The following CECR2 variants were observed in gnomAD, a reference collection of about 807,000 sequenced individuals.
CECR2 encodes CECR2 histone acetyl-lysine reader.
A neutral mutation model predicts 154.5 loss-of-function variants in CECR2; 30 were observed. The ratio of observed to expected loss-of-function variants is 0.19; its 90% CI spans 0.15 to 0.26. CECR2 has a LOEUF of 0.26. Ranked by LOEUF, CECR2 falls within the 10% of genes least tolerant of loss-of-function variation. The pLI, the probability that CECR2 is intolerant of heterozygous loss-of-function variation, is 1.00. For missense variants in CECR2, 1,743 were observed against 1,829.3 expected (o/e 0.95, Z 0.86); for synonymous variants, 725 against 683.7 (o/e 1.06, Z -0.94).
At chr22:17,489,185 G>A (rs1011093556) in intron 2 of CECR2, among the ~76,000 whole-genome samples, 7 of 152,076 alleles carry the variant, frequency 4.6e-5, no homozygotes. Flanking sequence ...CACCCGCCTC[G>A]GCCTCCCAAA....
At chr22:17,547,589 A>G (rs2056633750) in intron 16 of CECR2, among the ~76,000 whole-genome samples, 1 of 152,192 alleles carries the variant, frequency 6.6e-6, no homozygotes, top group African/African-American at 2.4e-5. Flanking sequence ...CATGCAGACA[A>G]AATGAATGTA....
At chr22:17,489,727 G>T (rs1466385614) in intron 2 of CECR2, among the ~76,000 whole-genome samples, 2 of 152,204 alleles carry the variant, frequency 1.3e-5, no homozygotes, top group Non-Finnish European at 2.9e-5. Flanking sequence ...CAAAGTGCTG[G>T]AATTACAGGC....
chr22:17,478,102 G>A (rs1157667766), intron 2 of CECR2, among the ~76,000 whole-genome samples: 1 of 152,120 alleles, frequency 6.6e-6, no homozygotes, highest in African/African-American at 2.4e-5. Context: ...AAAAAAAAGA[G>A]AGATGTGTAG....
chr22:17,511,882 C>A lies in CECR2; in HGVS notation c.940C>A (p.Pro314Thr). 1 of 1,611,324 alleles carries A rather than the reference C, an allele frequency of 6.2e-7. No homozygotes were observed. The highest frequency in any genetic ancestry group is 8.5e-7 in the Non-Finnish European group (1 of 1,178,236). Residue 314 changes from proline to threonine, a missense_variant, in exon 8 of 19, where the codon CCC (proline) becomes ACC (threonine). Pro to Thr is a conservative substitution (Grantham distance 38). Transcript: ENST00000262608. ...RWMSDHLSIK[P>T]VKQEETPVLT... ...GATGTCTGACCACCTGTCCATCAAACCCGTCAAGCAAGAGGTGAGTGTGGG... is the reference window on the plus strand; with the variant it reads ...GATGTCTGACCACCTGTCCATCAAAACCGTCAAGCAAGAGGTGAGTGTGGG...
At position 17,448,279 on chromosome 22, in the gene CECR2, G is replaced by A. The variant is rs370290970; in HGVS notation, c.127-29309G>A. On this transcript the variant is annotated intron_variant, in intron 1 of 18. Coordinates refer to ENST00000262608, the MANE Select transcript of CECR2 (RefSeq NM_001290047.2). ...TACTTTCAGCAAATTAAACAGGTGG[G>A]CTAGTAGGAACAATCAGGGCAGATT... Among the ~76,000 whole-genome samples the A allele has an allele frequency of 4.6e-5, 7 of 152,266 alleles. No homozygotes were observed. The East Asian group carries it at 7.7e-4, about 17-fold the overall frequency.
At chr22:17,481,489 C>A in intron 2 of CECR2, among the ~76,000 whole-genome samples, 1 of 152,044 alleles carries the variant, frequency 6.6e-6, no homozygotes, top group Admixed American at 6.6e-5. Context: ...AAACACTATG[C>A]CTAGTTCCTC....
chr22:17,482,063 C>T (rs557031974), intron 2 of CECR2, among the ~76,000 whole-genome samples: 3 of 136,484 alleles, frequency 2.2e-5, no homozygotes, highest in African/African-American at 5.6e-5. Context: ...TGCAGGAAGC[C>T]GAGATCACGC....
intron 8 of CECR2, among the ~76,000 whole-genome samples, chr22:17,515,894 C>T (rs531336671): frequency 6.6e-6 from 1 of 152,198 alleles, no homozygotes; most frequent in Admixed American, 6.5e-5. Context: ...CCAGGATGGT[C>T]TCGATCTCCT....
chr22:17,405,305 A>T (rs2053964231), intron 1 of CECR2, among the ~76,000 whole-genome samples: 1 of 151,756 alleles, frequency 6.6e-6, no homozygotes, highest in East Asian at 1.9e-4. Flanking sequence ...CCAGCTACTC[A>T]GGAGGCTGAG....
At chr22:17,490,762 T>C (rs1373167563) in intron 2 of CECR2, among the ~76,000 whole-genome samples, 1 of 152,150 alleles carries the variant, frequency 6.6e-6, no homozygotes, top group East Asian at 1.9e-4. Flanking sequence ...TTGTGTTTTT[T>C]TAAAGTGTAC....
At chr22:17,469,287 G>A (rs1182253620) in intron 1 of CECR2, among the ~76,000 whole-genome samples, 1 of 152,112 alleles carries the variant, frequency 6.6e-6, no homozygotes, top group Admixed American at 6.6e-5. Context: ...TTGCATTGGG[G>A]ATTAGTTTTC....
intron 10 of CECR2, among the ~76,000 whole-genome samples, chr22:17,538,160 G>A (rs1601534632): frequency 6.6e-6 from 1 of 152,224 alleles, no homozygotes; most frequent in African/African-American, 2.4e-5. Context: ...GGAGGCTGCA[G>A]TGAGCTGTGA....
chr22:17,510,666 A>G, intron 7 of CECR2, among the ~76,000 whole-genome samples: 1 of 152,072 alleles, frequency 6.6e-6, no homozygotes, highest in Non-Finnish European at 1.5e-5. Flanking sequence ...CAGTGGCATG[A>G]TGTCGGCTCA....
At position 17,540,540 on chromosome 22, in the gene CECR2, C is replaced by T. The variant is rs768986689; in HGVS notation, c.1624C>T (p.Arg542Trp). The T allele has an allele frequency of 3.1e-6, 5 of 1,612,208 alleles. No individual in the cohort carries two copies. Among genetic ancestry groups the T allele is most frequent in the Non-Finnish European group, 4.2e-6 (5 of 1,178,880 alleles). ...IREDEKREKR[R>W]SRAGRSGGSH... ...AGAGGATGAAAAGCGGGAGAAAAGA[C>T]GGAGTCGGGCTGGGCGAAGTGGTGG... Residue 542 changes from arginine to tryptophan, a missense_variant, in exon 14 of 19, where the codon CGG becomes TGG. Arg to Trp is a moderately radical substitution (Grantham distance 101). Transcript: ENST00000262608.
intron 1 of CECR2, among the ~76,000 whole-genome samples, chr22:17,420,977 C>T (rs1027646667): frequency 2.6e-5 from 4 of 152,176 alleles, no homozygotes; most frequent in Admixed American, 6.5e-5. Context: ...TCCTCCCATC[C>T]CTGTATCGTT....
intron 2 of CECR2, among the ~76,000 whole-genome samples, chr22:17,491,662 T>C (rs2146849523): frequency 6.6e-6 from 1 of 152,184 alleles, no homozygotes; most frequent in East Asian, 1.9e-4. Flanking sequence ...GAATTTTTAT[T>C]GTACCTCTTC....
chr22:17,491,593 G>GGT (rs2055533526), intron 2 of CECR2, among the ~76,000 whole-genome samples: 1 of 99,832 alleles, frequency 1.0e-5, no homozygotes. Context: ...GGGGGGGTGG[G>GGT]TGTTTAGCAG....
chr22:17,488,957 T>C (rs112205667), intron 2 of CECR2, among the ~76,000 whole-genome samples: 7 of 152,336 alleles, frequency 4.6e-5, no homozygotes, highest in African/African-American at 1.4e-4. Flanking sequence ...TATTTACTTA[T>C]TTATTTGTTT....
intron 2 of CECR2, among the ~76,000 whole-genome samples, chr22:17,483,795 G>A (rs1361713520): frequency 1.3e-5 from 2 of 152,142 alleles, no homozygotes; most frequent in Non-Finnish European, 2.9e-5. Flanking sequence ...GTGATGTACA[G>A]TCATGTGCCA....
Sources: gnomAD v4.1 joint callset for allele counts (sites outside exome capture counted in the v4.1 genomes callset) on GRCh38, gnomAD v4.1.1 for gene constraint, MANE v1.5 for transcripts, NCBI Gene and HGNC (gene_info 2026-07-23, HGNC 2026-07-21) for gene names.